Variants in DLG5 observed in about 807,000 individuals in gnomAD.
DLG5 encodes disks large homolog 5.
Under a neutral mutation model 189.8 loss-of-function variants are expected in DLG5, and 48 were observed. That is an observed-to-expected ratio of 0.25 (90% CI 0.20 to 0.32). The LOEUF is 0.32. DLG5 is among the 10% of genes least tolerant of loss of function. The pLI is 1.00. For missense variants in DLG5, 2,160 were observed against 2,544.7 expected (o/e 0.85, Z 3.25); for synonymous variants, 1,016 against 1,054.1 (o/e 0.96, Z 0.70).
At chr10:77,913,562 G>C (rs1235214503) in intron 1 of DLG5, among the ~76,000 whole-genome samples, 2 of 152,120 alleles carry the variant, frequency 1.3e-5, no homozygotes, top group African/African-American at 4.8e-5. Context: ...TATCCTCTCT[G>C]TTCTTCCACA....
chr10:77,795,037 A>C (rs1326909296), intron 29 of DLG5, 79 bp from the exon 30 acceptor site: 6 of 1,093,642 alleles, frequency 5.5e-6, no homozygotes, highest in Non-Finnish European at 8.2e-6. Context: ...AGCAGGACCC[A>C]CCTCACCTCA....
chr10:77,807,537 C>T (rs1177833848), intron 25 of DLG5, among the ~76,000 whole-genome samples: 1 of 152,146 alleles, frequency 6.6e-6, no homozygotes, highest in Non-Finnish European at 1.5e-5. Flanking sequence ...CACAGGAAAA[C>T]GGGGCTTGAC....
chr10:77,926,227 G>A lies in DLG5; in HGVS notation c.294C>T (p.Ala98=), dbSNP rs1454413566. Residue 98 remains alanine (A), a synonymous_variant, in exon 1 of 32, where the codon GCC becomes GCT. Transcript: ENST00000372391. The surrounding 1 kb of genome is among the most constrained non-coding windows in gnomAD (Gnocchi z 5.2). The part of the protein sequence containing the change: ...LNGVVGPPQP[A]EGAGSTYSVL... ...GGGTCTGCCACTCACCCGCGCCTTC[G>A]GCGGGCTGCGGCGGCCCGACGACGC... The A allele has an allele frequency of 6.7e-7, 1 of 1,494,370 alleles. No homozygotes were observed. Among genetic ancestry groups the A allele is most frequent in the Non-Finnish European group, 8.9e-7 (1 of 1,119,102 alleles). The allele number at this position is 1,494,370 out of a possible 1,614,324, so 92.6% of individuals were successfully genotyped here.
chr10:77,874,478 T>C (rs771148073), intron 1 of DLG5, among the ~76,000 whole-genome samples: 1 of 152,186 alleles, frequency 6.6e-6, no homozygotes, highest in Non-Finnish European at 1.5e-5. Flanking sequence ...CAGCAGAAAA[T>C]TCCACACCTG....
chr10:77,827,288 C>T (rs142536927), intron 13 of DLG5, among the ~76,000 whole-genome samples: 5,019 of 152,192 alleles, frequency 0.033, 286 homozygotes, highest in African/African-American at 0.11. Context: ...TGCAGTGGCG[C>T]GATCTCGGCT....
At chr10:77,889,288 AG>A (rs200998690) in intron 1 of DLG5, 5 of 148,502 alleles carry the variant, frequency 3.4e-5, no homozygotes, top group African/African-American at 1.3e-4. Flanking sequence ...ACAAGTCACT[AG>A]GGAAAAAAAA....
intron 5 of DLG5, among the ~76,000 whole-genome samples, chr10:77,852,125 C>T (rs1020911976): frequency 1.3e-5 from 2 of 152,154 alleles, no homozygotes; most frequent in African/African-American, 4.8e-5. Context: ...GTAATCCCAG[C>T]ACTTTGGGAG....
At chr10:77,923,725 T>A (rs1846603936) in intron 1 of DLG5, among the ~76,000 whole-genome samples, 1 of 152,110 alleles carries the variant, frequency 6.6e-6, no homozygotes, top group Non-Finnish European at 1.5e-5. Context: ...GCCACTGCAC[T>A]CCAGCCTGGG....
Position 77,809,737 on chromosome 10 carries a change from G to A in DLG5, c.4464-7C>T. 1 of 1,605,986 alleles carries A rather than the reference G, an allele frequency of 6.2e-7. No individual in the cohort carries two copies. ...GTTGGCATCTCCCGCAATCCTTTCA[G>A]GAAAAAAACAAAGTTCCTCAACTGT... On this transcript the variant is annotated splice_region_variant and splice_polypyrimidine_tract_variant and intron_variant, in intron 23 of 31. Transcript: ENST00000372391.
At chr10:77,850,641 A>G (rs1363839409) in intron 5 of DLG5, among the ~76,000 whole-genome samples, 1 of 152,148 alleles carries the variant, frequency 6.6e-6, no homozygotes, top group African/African-American at 2.4e-5. Context: ...ATTCCCACCA[A>G]CAACATATGC....
At chr10:77,915,738 A>G (rs1846339082) in intron 1 of DLG5, among the ~76,000 whole-genome samples, 1 of 152,260 alleles carries the variant, frequency 6.6e-6, no homozygotes, top group South Asian at 2.1e-4. Flanking sequence ...GAAAGTCTCA[A>G]TAGCCTTGTT....
intron 27 of DLG5, among the ~76,000 whole-genome samples, chr10:77,801,102 C>A (rs1291288547): frequency 6.6e-6 from 1 of 152,166 alleles, no homozygotes; most frequent in Non-Finnish European, 1.5e-5. Context: ...TAAACAATAA[C>A]TAGGCATATC....
intron 1 of DLG5, among the ~76,000 whole-genome samples, chr10:77,912,120 T>C (rs1359375379): frequency 1.3e-5 from 2 of 148,472 alleles, no homozygotes; most frequent in Non-Finnish European, 3.0e-5. Context: ...GAGGATCGCC[T>C]GAGCCCAGGA....
intron 1 of DLG5, among the ~76,000 whole-genome samples, chr10:77,899,401 G>C (rs952300891): frequency 1.4e-4 from 21 of 152,222 alleles, no homozygotes; most frequent in Non-Finnish European, 1.0e-4. Flanking sequence ...CAACAGCCAA[G>C]GGCAAAATCC....
chr10:77,888,492 G>C (rs145887239), intron 1 of DLG5, among the ~76,000 whole-genome samples: 3 of 152,348 alleles, frequency 2.0e-5, no homozygotes, highest in East Asian at 3.9e-4. Context: ...GATTAGGTAA[G>C]AAGGGGTTAA....
chr10:77,880,924 C>T (rs536956373), intron 1 of DLG5, among the ~76,000 whole-genome samples: 6 of 147,574 alleles, frequency 4.1e-5, no homozygotes, highest in African/African-American at 1.5e-4. Context: ...AGCAGAGGGT[C>T]CCAACTCAAG....
intron 1 of DLG5, among the ~76,000 whole-genome samples, chr10:77,910,338 G>A (rs1313222246): frequency 1.3e-5 from 2 of 152,218 alleles, no homozygotes; most frequent in South Asian, 2.1e-4. Flanking sequence ...TCTACTGGCC[G>A]AGTGTGCCCA....
At chr10:77,885,324 T>G (rs892414305) in intron 1 of DLG5, among the ~76,000 whole-genome samples, 3 of 152,118 alleles carry the variant, frequency 2.0e-5, no homozygotes, top group Non-Finnish European at 4.4e-5. Flanking sequence ...GGACACACAA[T>G]GCCTTCAAAT....
chr10:77,809,484 A>T, intron 24 of DLG5, 63 bp downstream of exon 24: 2 of 1,511,232 alleles, frequency 1.3e-6, no homozygotes, highest in Non-Finnish European at 1.8e-6. Context: ...GCCACCTGAG[A>T]TGGCAGCAAG....
Sources: allele counts gnomAD v4.1 joint callset (sites outside exome capture counted in the v4.1 genomes callset), GRCh38; gene constraint gnomAD v4.1.1; non-coding constraint Gnocchi (gnomAD v3.1); transcripts MANE v1.5; gene names NCBI Gene and HGNC (gene_info 2026-07-23, HGNC 2026-07-21).